TDRD1: variants seen among roughly 807,000 people sequenced by gnomAD.
TDRD1 encodes the protein tudor domain-containing protein 1.
TDRD1 carries 37 observed loss-of-function variants against 140.6 expected under a neutral mutation model. That is an observed-to-expected ratio of 0.26 (90% CI 0.20 to 0.35). The LOEUF is 0.35. TDRD1 is among the 10% of genes least tolerant of loss of function. TDRD1 has a pLI of 1.00. For synonymous variants in TDRD1, 506 were observed against 475.7 expected (o/e 1.06, Z -0.83); for missense variants, 1,243 against 1,393.0 (o/e 0.89, Z 1.71).
At position 114,204,618 on chromosome 10, in the gene TDRD1, G is replaced by T. The variant is rs1187884629; in HGVS notation, c.1126-104G>T. ...CTATCTGATTAGTACTTGAAGATTT[G>T]TGATAAGTTTTCAGCATGAAATACA... On this transcript the variant is annotated intron_variant, in intron 9 of 25. Coordinates refer to ENST00000251864, the Ensembl canonical transcript of TDRD1. 3 of 1,178,250 alleles carry T rather than the reference G, an allele frequency of 2.5e-6. No individual in the cohort carries two copies. In the African/African-American group the frequency reaches 4.8e-5, roughly 19 times the overall value. The allele number at this position is 1,178,250 out of a possible 1,614,324, so 73.0% of individuals were successfully genotyped here.
intron 16 of TDRD1, 28 bp downstream of exon 16, chr10:114,214,142 T>C (rs372196425): frequency 2.3e-5 from 37 of 1,602,862 alleles, no homozygotes; most frequent in Non-Finnish European, 3.2e-5. Context: ...ATTTGTTTCT[T>C]TTTACAAATA....
At chr10:114,201,575 G>A (rs1184238451) in intron 5 of TDRD1, 60 bp downstream of exon 5, 1 of 1,426,506 alleles carries the variant, frequency 7.0e-7, no homozygotes, top group Admixed American at 1.8e-5. Flanking sequence ...GATACAATAA[G>A]CGTCCAATTA....
intron 3 of TDRD1, among the ~76,000 whole-genome samples, chr10:114,192,776 T>G (rs904569270): frequency 6.6e-6 from 1 of 152,206 alleles, no homozygotes; most frequent in Non-Finnish European, 1.5e-5. Context: ...GTCAGTCTAG[T>G]CTAAGTTACT....
exon 14 of TDRD1, chr10:114,212,033 G>A (rs764327455): frequency 1.4e-5 from 23 of 1,596,304 alleles, no homozygotes; most frequent in Non-Finnish European, 8.5e-6. Flanking sequence ...GTGTGTACTA[G>A]CAGGTATGAA....
exon 15 of TDRD1, chr10:114,213,398 A>C (rs201061671): frequency 9.5e-5 from 153 of 1,613,920 alleles, no homozygotes; most frequent in Non-Finnish European, 4.2e-6. Flanking sequence ...GTCTCATGAA[A>C]AAACTTGTAC....
At chr10:114,194,706 T>A (rs1372359385) in intron 3 of TDRD1, among the ~76,000 whole-genome samples, 1 of 151,702 alleles carries the variant, frequency 6.6e-6, no homozygotes, top group African/African-American at 2.4e-5. Flanking sequence ...GGCATGTTTT[T>A]TTGTCATTGT....
downstream of TDRD1, among the ~76,000 whole-genome samples, chr10:114,232,621 T>C (rs1015167153): frequency 2.1e-4 from 31 of 151,114 alleles, no homozygotes; most frequent in Admixed American, 1.9e-3. Context: ...TTCTGTTAGA[T>C]AAAAGCTCAC....
chr10:114,189,992 A>C (rs1388710222), intron 2 of TDRD1, among the ~76,000 whole-genome samples: 1 of 152,202 alleles, frequency 6.6e-6, no homozygotes, highest in Non-Finnish European at 1.5e-5. Context: ...GTTTTGGTGT[A>C]CTATTAAAGG....
intron 1 of TDRD1, among the ~76,000 whole-genome samples, chr10:114,182,332 T>G (rs527360125): frequency 1.8e-4 from 27 of 151,130 alleles, no homozygotes; most frequent in African/African-American, 5.6e-4. Flanking sequence ...AGATGTCTAT[T>G]TGCCCTGGGT....
chr10:114,180,009 C>G (rs570088996), intron 1 of TDRD1: 1 of 152,362 alleles, frequency 6.6e-6, no homozygotes, highest in Non-Finnish European at 1.5e-5. Flanking sequence ...GCGTTTTTAT[C>G]TAAACTGTGT....
chr10:114,228,166 T>A, intron 25 of TDRD1: 1 of 1,532,932 alleles, frequency 6.5e-7, no homozygotes. Context: ...TCTTCTGTGA[T>A]CACCAATAGG....
intron 1 of TDRD1, among the ~76,000 whole-genome samples, chr10:114,185,469 C>T (rs1394826711): frequency 1.3e-5 from 2 of 151,910 alleles, no homozygotes; most frequent in Non-Finnish European, 2.9e-5. Flanking sequence ...GGATTACAGG[C>T]GTGAGCCACT....
At chr10:114,228,285 T>C in intron 25 of TDRD1, 1 of 1,409,254 alleles carries the variant, frequency 7.1e-7, no homozygotes, top group Non-Finnish European at 9.3e-7. Flanking sequence ...TTCTGCTGTT[T>C]TTGTAGGTTT....
chr10:114,198,673 C>T (rs1441962243), intron 3 of TDRD1, among the ~76,000 whole-genome samples: 3 of 152,134 alleles, frequency 2.0e-5, no homozygotes, highest in African/African-American at 7.2e-5. Context: ...ATGAGGGTCT[C>T]ACTGTGTTGG....
intron 21 of TDRD1, among the ~76,000 whole-genome samples, chr10:114,223,427 T>G (rs2036258126): frequency 6.6e-6 from 1 of 152,248 alleles, no homozygotes; most frequent in African/African-American, 2.4e-5. Context: ...TCCTCAATCT[T>G]GGGCTCCAGT....
chr10:114,178,606 C>G (rs899746245), upstream of TDRD1, among the ~76,000 whole-genome samples: 2 of 152,178 alleles, frequency 1.3e-5, no homozygotes, highest in East Asian at 3.8e-4. Flanking sequence ...TGAGATGTTA[C>G]TAAGTCAAGG....
chr10:114,227,796 T>G (rs771572306), intron 23 of TDRD1, 114 bp from the exon 24 acceptor site: 2 of 774,816 alleles, frequency 2.6e-6, no homozygotes, highest in Non-Finnish European at 4.4e-6. Flanking sequence ...ATCCAGGTCT[T>G]TGTAGTCGGA....
At chr10:114,180,268 C>T (rs2032931063) in intron 1 of TDRD1, among the ~76,000 whole-genome samples, 1 of 152,180 alleles carries the variant, frequency 6.6e-6, no homozygotes. Context: ...TTTACTTCGT[C>T]TCTCATTTAA....
chr10:114,210,439 C>T, intron 11 of TDRD1, 142 bp from the exon 12 acceptor site: 3 of 773,884 alleles, frequency 3.9e-6, no homozygotes, highest in South Asian at 2.5e-5. Context: ...GAAGAAGAAA[C>T]ACCATGACCT....
Sources: gnomAD v4.1 joint callset for allele counts (sites outside exome capture counted in the v4.1 genomes callset) on GRCh38, gnomAD v4.1.1 for gene constraint, MANE v1.5 for transcripts, NCBI Gene and HGNC (gene_info 2026-07-23, HGNC 2026-07-21) for gene names.